The following ERBB4 variants were observed in gnomAD, a reference collection of about 807,000 sequenced individuals.
The protein encoded by ERBB4 is erb-b2 receptor tyrosine kinase 4, also known as receptor tyrosine-protein kinase erbB-4.
A neutral mutation model predicts 158.0 loss-of-function variants in ERBB4; 42 were observed. The observed-to-expected ratio is 0.27, with a 90% CI of 0.21 to 0.34. ERBB4 has a LOEUF of 0.34. ERBB4 is among the 10% of genes least tolerant of loss of function. The probability of loss-of-function intolerance (pLI) is 1.00; values close to 1 mark genes in which losing one functional copy is unlikely to be tolerated. For synonymous variants in ERBB4, 583 were observed against 558.7 expected, an observed-to-expected ratio of 1.04 and a Z score of -0.61; for missense variants, 1,333 against 1,624.1, an observed-to-expected ratio of 0.82 and a Z score of 3.08.
intron 1 of ERBB4, among the ~76,000 whole-genome samples, chr2:212,311,216 A>G (rs2087030789): frequency 6.6e-6 from 1 of 150,902 alleles, no homozygotes; most frequent in Non-Finnish European, 1.5e-5. Flanking sequence ...TTTATATCCA[A>G]TCAGAGGGGC....
chr2:212,445,960 A>T (rs928684703), intron 1 of ERBB4, among the ~76,000 whole-genome samples: 1 of 152,204 alleles, frequency 6.6e-6, no homozygotes, highest in Non-Finnish European at 1.5e-5. Flanking sequence ...TACTAAGAAA[A>T]TATCTTCATT....
rs2062609627 is a variant in ERBB4, at chr2:211,383,354, C to A, written c.*261G>T. 5 of 435,164 alleles carry A rather than the reference C, an allele frequency of 1.1e-5. No homozygotes were observed. In the East Asian group the frequency reaches 1.5e-4, roughly 13 times the overall value. The allele number at this position is 435,164 out of a possible 1,614,324, so 27.0% of individuals were successfully genotyped here. A position where few individuals can be genotyped will look rare whatever the true frequency, so the allele number is the denominator to read the frequency against. On this transcript the variant is annotated 3_prime_UTR_variant, in exon 28 of 28. Coordinates refer to ENST00000342788, the MANE Select transcript of ERBB4 (RefSeq NM_005235.3). ...CAGCATTGCCTTACATTTTCTGGTC[C>A]TTCTCTAGCTGTTTCATTCTCCTGA...
At chr2:211,879,577 G>T (rs1035548908) in intron 3 of ERBB4, among the ~76,000 whole-genome samples, 3 of 152,138 alleles carry the variant, frequency 2.0e-5, no homozygotes, top group African/African-American at 7.2e-5. Context: ...AAAACTTTTT[G>T]AAAGATAATA....
chr2:212,469,218 T>C (rs1688994520), intron 1 of ERBB4, among the ~76,000 whole-genome samples: 1 of 152,220 alleles, frequency 6.6e-6, no homozygotes, highest in South Asian at 2.1e-4. Flanking sequence ...TAGTATCCTT[T>C]CAGTATTTAT....
chr2:212,319,035 A>T (rs1420534717), intron 1 of ERBB4, among the ~76,000 whole-genome samples: 1 of 151,538 alleles, frequency 6.6e-6, no homozygotes, highest in South Asian at 2.1e-4. Flanking sequence ...CCCAGCTATG[A>T]CATCACTGAA....
rs10497959 is a variant in ERBB4 at position 212,081,604 on chromosome 2, G to A, written c.234+43148C>T. 3.3e-3 allele frequency among the ~76,000 whole-genome samples: 503 copies of A among 152,198 alleles called. 4 individuals carry two copies. Among genetic ancestry groups the A allele is most frequent in the Admixed American group, 0.013 (195 of 15,252 alleles). ...TCTAAATACATTTACTGATTAAAAA[G>A]ATGCAAGTGCTTATGAATAGGTTCT... On this transcript the variant is annotated intron_variant, in intron 2 of 27. Transcript: ENST00000342788.
chr2:211,511,777 G>A (rs945170995), intron 20 of ERBB4, among the ~76,000 whole-genome samples: 3 of 151,870 alleles, frequency 2.0e-5, no homozygotes, highest in East Asian at 1.9e-4. Context: ...TTGTAACCAC[G>A]GTAACATTGA....
At chr2:212,189,761 A>G (rs2082131750) in intron 1 of ERBB4, among the ~76,000 whole-genome samples, 1 of 152,204 alleles carries the variant, frequency 6.6e-6, no homozygotes, top group Non-Finnish European at 1.5e-5. Context: ...ACCATCCATA[A>G]GATTCATATC....
intron 20 of ERBB4, among the ~76,000 whole-genome samples, chr2:211,434,635 T>C (rs1229146496): frequency 6.6e-6 from 1 of 152,144 alleles, no homozygotes; most frequent in African/African-American, 2.4e-5. Context: ...ACTCTGAAAG[T>C]TTTTTGAAAT....
At chr2:211,615,193 T>C (rs1348055507) in intron 19 of ERBB4, among the ~76,000 whole-genome samples, 1 of 152,020 alleles carries the variant, frequency 6.6e-6, no homozygotes, top group Non-Finnish European at 1.5e-5. Flanking sequence ...GTTTAAATAC[T>C]GGGGAAAAAT....
chr2:212,336,239 G>T (rs2088437367), intron 1 of ERBB4, among the ~76,000 whole-genome samples: 1 of 151,896 alleles, frequency 6.6e-6, no homozygotes, highest in Non-Finnish European at 1.5e-5. Context: ...ACTTGACTTG[G>T]TTTCTAACTT....
intron 7 of ERBB4, among the ~76,000 whole-genome samples, chr2:211,713,909 T>G (rs985569125): frequency 1.3e-5 from 2 of 152,144 alleles, no homozygotes; most frequent in African/African-American, 4.8e-5. Context: ...GTAGATTTCT[T>G]TTATATACTT....
chr2:212,510,025 G>GATAT (rs891944285), intron 1 of ERBB4, among the ~76,000 whole-genome samples: 92 of 151,372 alleles, frequency 6.1e-4, no homozygotes, highest in African/African-American at 2.2e-3. Context: ...AACCCAAAAA[G>GATAT]ATATACCACA....
At chr2:211,981,946 T>C (rs184152743) in intron 2 of ERBB4, among the ~76,000 whole-genome samples, 64 of 152,268 alleles carry the variant, frequency 4.2e-4, no homozygotes, top group Non-Finnish European at 7.2e-4. Context: ...ATTTCATAAA[T>C]TCAGCTGGTT....
chr2:212,363,611 A>G (rs562512189), intron 1 of ERBB4, among the ~76,000 whole-genome samples: 2 of 151,650 alleles, frequency 1.3e-5, no homozygotes, highest in East Asian at 3.9e-4. Context: ...TTTACATTTG[A>G]CAGCAAATAC....
chr2:211,529,067 T>G (rs1246127529), intron 20 of ERBB4, among the ~76,000 whole-genome samples: 1 of 151,616 alleles, frequency 6.6e-6, no homozygotes, highest in African/African-American at 2.4e-5. Flanking sequence ...AAAGTTGGGT[T>G]TTTTTGAAAC....
intron 20 of ERBB4, among the ~76,000 whole-genome samples, chr2:211,556,227 A>G (rs2067234612): frequency 1.3e-5 from 2 of 152,272 alleles, no homozygotes; most frequent in South Asian, 4.1e-4. Flanking sequence ...CAATTCAACA[A>G]GAAGACCTAA....
rs1336145027 is a variant in ERBB4 at position 211,421,561 on chromosome 2, A to G, written c.2964+446T>C. 5.3e-5 allele frequency among the ~76,000 whole-genome samples: 8 copies of G among 152,038 alleles called. No individual in the cohort carries two copies. In the South Asian group the frequency reaches 1.2e-3, roughly 24 times the overall value. On this transcript the variant is annotated intron_variant, in intron 24 of 27. Transcript: ENST00000342788. ...CATATCTCTCCAAATAAAACAAAAC[A>G]TATTTTAAAATATTTTTGGGGAAAT...
intron 3 of ERBB4, among the ~76,000 whole-genome samples, chr2:211,913,209 C>T (rs2079583706): frequency 6.6e-6 from 1 of 152,142 alleles, no homozygotes; most frequent in Non-Finnish European, 1.5e-5. Flanking sequence ...AATATTATCT[C>T]ATGAAGCTGT....
Sources: allele counts gnomAD v4.1 joint callset (sites outside exome capture counted in the v4.1 genomes callset), GRCh38; gene constraint gnomAD v4.1.1; transcripts MANE v1.5; gene names NCBI Gene and HGNC (gene_info 2026-07-23, HGNC 2026-07-21).